Variants in CTNNA3 observed in about 807,000 individuals in gnomAD.
CTNNA3 encodes the protein catenin alpha-3.
Under a neutral mutation model 95.7 loss-of-function variants are expected in CTNNA3, and 76 were observed. That is an observed-to-expected ratio of 0.79 (90% CI 0.66 to 0.96). The LOEUF (loss-of-function observed/expected upper bound fraction) is 0.96. Ranked by LOEUF, CTNNA3 falls within the 40% of genes least tolerant of loss-of-function variation. The pLI, the probability that CTNNA3 is intolerant of heterozygous loss-of-function variation, is 0.00. For synonymous variants in CTNNA3, 431 were observed against 374.4 expected (o/e 1.15, Z -1.74); for missense variants, 1,191 against 1,089.8 (o/e 1.09, Z -1.31).
chr10:66,292,721 A>T (rs2091704805), intron 12 of CTNNA3, among the ~76,000 whole-genome samples: 1 of 152,164 alleles, frequency 6.6e-6, no homozygotes, highest in Non-Finnish European at 1.5e-5. Flanking sequence ...TTTTATTTTG[A>T]GGCATGAAAA....
At chr10:66,050,849 C>T (rs190377380) in intron 15 of CTNNA3, among the ~76,000 whole-genome samples, 124 of 146,642 alleles carry the variant, frequency 8.5e-4, no homozygotes, top group East Asian at 8.3e-3. Flanking sequence ...TCTGGGTTCC[C>T]ATTTCTTACT....
At chr10:66,272,683 G>A (rs1399127501) in intron 13 of CTNNA3, among the ~76,000 whole-genome samples, 1 of 152,124 alleles carries the variant, frequency 6.6e-6, no homozygotes, top group East Asian at 1.9e-4. Context: ...TCCTGTGCAA[G>A]CCAAGCCATA....
chr10:67,491,611 A>G (rs1848651522), intron 5 of CTNNA3, among the ~76,000 whole-genome samples: 1 of 152,220 alleles, frequency 6.6e-6, no homozygotes, highest in Non-Finnish European at 1.5e-5. Context: ...AGAACGGAAA[A>G]TACTCTGATA....
intron 1 of CTNNA3, among the ~76,000 whole-genome samples, chr10:67,681,133 C>T (rs1033934855): frequency 2.6e-5 from 4 of 152,124 alleles, no homozygotes; most frequent in Non-Finnish European, 5.9e-5. Flanking sequence ...TTAATTCTCC[C>T]TGTTAAATGT....
At chr10:65,944,856 CTATCTAT>C (rs2077486500) in intron 17 of CTNNA3, among the ~76,000 whole-genome samples, 2 of 44,956 alleles carry the variant, frequency 4.4e-5, no homozygotes, top group African/African-American at 1.8e-4. Flanking sequence ...AAATATCTGT[CTATCTAT>C]CTATCTATCT....
At chr10:67,008,456 T>A (rs1389067621) in intron 7 of CTNNA3, among the ~76,000 whole-genome samples, 1 of 152,182 alleles carries the variant, frequency 6.6e-6, no homozygotes, top group African/African-American at 2.4e-5. Context: ...TCACTACAGC[T>A]TTTTTGTTTG....
chr10:67,094,383 T>C (rs1857840634), intron 7 of CTNNA3, among the ~76,000 whole-genome samples: 2 of 151,878 alleles, frequency 1.3e-5, no homozygotes, highest in South Asian at 4.1e-4. Context: ...AAGTAAAATT[T>C]ATTTTCATTC....
At chr10:66,014,831 C>T (rs1234489945) in intron 15 of CTNNA3, among the ~76,000 whole-genome samples, 1 of 152,104 alleles carries the variant, frequency 6.6e-6, no homozygotes, top group Non-Finnish European at 1.5e-5. Context: ...TTGCCAGGTG[C>T]GGTGGCTCAA....
At chr10:66,248,349 A>T (rs1027432956) in intron 13 of CTNNA3, among the ~76,000 whole-genome samples, 3 of 26,148 alleles carry the variant, frequency 1.1e-4, no homozygotes, top group East Asian at 1.3e-3. Flanking sequence ...AGAAAATCAT[A>T]AAAAAAAAAC....
At chr10:66,667,965 T>C (rs1846515851) in intron 9 of CTNNA3, among the ~76,000 whole-genome samples, 1 of 152,156 alleles carries the variant, frequency 6.6e-6, no homozygotes, top group Admixed American at 6.6e-5. Flanking sequence ...TCACAGAAGA[T>C]GATAAAAATA....
intron 7 of CTNNA3, among the ~76,000 whole-genome samples, chr10:67,135,894 T>C (rs1162324405): frequency 6.6e-6 from 1 of 152,214 alleles, no homozygotes; most frequent in Non-Finnish European, 1.5e-5. Flanking sequence ...TGTATTTGCA[T>C]AACAAGTTTC....
chr10:66,760,188 G>C (rs1400588217), intron 9 of CTNNA3, among the ~76,000 whole-genome samples: 1 of 152,130 alleles, frequency 6.6e-6, no homozygotes, highest in Non-Finnish European at 1.5e-5. Context: ...TAGTCCACAC[G>C]CAGGCTCTAC....
intron 17 of CTNNA3, among the ~76,000 whole-genome samples, chr10:65,937,353 T>C (rs1374462565): frequency 2.0e-5 from 3 of 152,202 alleles, no homozygotes; most frequent in African/African-American, 4.8e-5. Context: ...GTTCAGAGTA[T>C]TGAGCATGTT....
At chr10:67,149,413 G>A (rs1860986194) in intron 7 of CTNNA3, among the ~76,000 whole-genome samples, 3 of 151,970 alleles carry the variant, frequency 2.0e-5, no homozygotes, top group Admixed American at 1.3e-4. Flanking sequence ...GTGAAACCCC[G>A]TCTCTACTAA....
chr10:66,457,658 T>C (rs896249145), intron 11 of CTNNA3, among the ~76,000 whole-genome samples: 1 of 126,698 alleles, frequency 7.9e-6, no homozygotes. Context: ...AAAGTTTATG[T>C]TATATTTAGA....
At chr10:67,019,922 T>C (rs940807223) in intron 7 of CTNNA3, among the ~76,000 whole-genome samples, 7 of 152,210 alleles carry the variant, frequency 4.6e-5, no homozygotes, top group Admixed American at 3.3e-4. Flanking sequence ...TGAGATTAAA[T>C]GCATTTATGA....
chr10:66,036,785 T>A (rs1489975326), intron 15 of CTNNA3, among the ~76,000 whole-genome samples: 2 of 152,122 alleles, frequency 1.3e-5, no homozygotes, highest in East Asian at 1.9e-4. Flanking sequence ...TAGCAGTTGT[T>A]AAAAGAGAAT....
intron 9 of CTNNA3, among the ~76,000 whole-genome samples, chr10:66,637,091 A>G (rs1032683600): frequency 6.6e-6 from 1 of 152,174 alleles, no homozygotes; most frequent in Admixed American, 6.5e-5. Context: ...GTGTTGATAG[A>G]AAACATAGAA....
chr10:66,383,300 C>T (rs1227509941), intron 11 of CTNNA3, among the ~76,000 whole-genome samples: 1 of 152,128 alleles, frequency 6.6e-6, no homozygotes, highest in Non-Finnish European at 1.5e-5. Flanking sequence ...ATGACACATG[C>T]ACAAGCTTCA....
Sources: allele counts gnomAD v4.1 joint callset (sites outside exome capture counted in the v4.1 genomes callset), GRCh38; gene constraint gnomAD v4.1.1; transcripts MANE v1.5; gene names NCBI Gene and HGNC (gene_info 2026-07-23, HGNC 2026-07-21).